Variants in DCLK2 observed in about 807,000 individuals in gnomAD.
DCLK2 encodes doublecortin like kinase 2, also known as serine/threonine-protein kinase DCLK2.
Under a neutral mutation model 78.4 loss-of-function variants are expected in DCLK2, and 31 were observed. The observed-to-expected ratio is 0.40, with a 90% CI of 0.30 to 0.53. DCLK2 has a LOEUF of 0.53. Ranked by LOEUF, DCLK2 falls within the 20% of genes least tolerant of loss-of-function variation. The probability of loss-of-function intolerance (pLI) is 0.61; values close to 1 mark genes in which losing one functional copy is unlikely to be tolerated. For synonymous variants in DCLK2, 407 were observed against 374.9 expected (o/e 1.09, Z -0.99); for missense variants, 872 against 973.7 (o/e 0.90, Z 1.39).
chr4:150,206,643 A>G (rs1029702955), intron 5 of DCLK2, among the ~76,000 whole-genome samples: 1 of 152,140 alleles, frequency 6.6e-6, no homozygotes, highest in Admixed American at 6.5e-5. Flanking sequence ...AAACCTAACT[A>G]AAAGGCTAGG....
intron 2 of DCLK2, among the ~76,000 whole-genome samples, chr4:150,138,878 A>T (rs556337555): frequency 6.6e-6 from 1 of 151,878 alleles, no homozygotes; most frequent in Admixed American, 6.6e-5. Flanking sequence ...GTTAGCCAGG[A>T]TGGTCTCAAT....
At chr4:150,097,775 C>G (rs1224735273) in intron 1 of DCLK2, among the ~76,000 whole-genome samples, 1 of 152,136 alleles carries the variant, frequency 6.6e-6, no homozygotes, top group East Asian at 1.9e-4. Context: ...TTTCCTCTTT[C>G]TATACAGAAA....
intron 2 of DCLK2, among the ~76,000 whole-genome samples, chr4:150,159,543 G>A (rs1429306912): frequency 6.6e-6 from 1 of 152,250 alleles, no homozygotes; most frequent in Non-Finnish European, 1.5e-5. Context: ...TGGTGGGGGT[G>A]TAGTGAAAAG....
intron 12 of DCLK2, 149 bp from the exon 13 acceptor site, chr4:150,247,454 C>G (rs1239312247): frequency 8.3e-6 from 5 of 603,664 alleles, no homozygotes; most frequent in Non-Finnish European, 1.5e-5. Context: ...TCTGTCATTA[C>G]AAATGGAATT....
intron 6 of DCLK2, among the ~76,000 whole-genome samples, chr4:150,221,280 G>A (rs139353043): frequency 0.011 from 1,653 of 150,606 alleles, 32 homozygotes; most frequent in African/African-American, 0.038. Context: ...ACATTTTGAA[G>A]ATTAAATTCC....
At chr4:150,203,295 T>C (rs879791493) in intron 4 of DCLK2, among the ~76,000 whole-genome samples, 4 of 152,220 alleles carry the variant, frequency 2.6e-5, no homozygotes, top group Non-Finnish European at 5.9e-5. Flanking sequence ...AAATTTTCCC[T>C]TTTCATTAAG....
chr4:150,211,838 C>T (rs565054806), intron 5 of DCLK2, among the ~76,000 whole-genome samples: 3 of 152,270 alleles, frequency 2.0e-5, no homozygotes, highest in South Asian at 2.1e-4. Context: ...TCCCTCTGTG[C>T]AAGTTCCTCA....
intron 10 of DCLK2, among the ~76,000 whole-genome samples, chr4:150,234,765 AAAGG>A (rs1254701680): frequency 4.0e-5 from 6 of 151,280 alleles, no homozygotes; most frequent in African/African-American, 1.5e-4. Context: ...AAAAAAAAAA[AAAGG>A]GGGATTGTGG....
intron 2 of DCLK2, among the ~76,000 whole-genome samples, chr4:150,151,946 T>C (rs925678247): frequency 3.3e-5 from 5 of 151,952 alleles, no homozygotes; most frequent in Admixed American, 2.0e-4. Context: ...ATAATAATAA[T>C]TTATGTGGCT....
chr4:150,162,196 AATTTTTTGC>A (rs536683665), intron 2 of DCLK2, among the ~76,000 whole-genome samples: 69 of 151,994 alleles, frequency 4.5e-4, no homozygotes, highest in African/African-American at 1.5e-3. Flanking sequence ...ATGCCTGGCT[AATTTTTTGC>A]ATTTTTTGTA....
At chr4:150,218,139 T>A (rs1383941058) in intron 5 of DCLK2, among the ~76,000 whole-genome samples, 1 of 130,898 alleles carries the variant, frequency 7.6e-6, no homozygotes, top group African/African-American at 2.9e-5. Context: ...GCTCAAGGCT[T>A]CAGCCTAGGT....
At chr4:150,205,326 T>C (rs1161723025) in intron 5 of DCLK2, among the ~76,000 whole-genome samples, 1 of 152,122 alleles carries the variant, frequency 6.6e-6, no homozygotes, top group Non-Finnish European at 1.5e-5. Context: ...TCCTTCAGAG[T>C]AGACTTGTAT....
In DCLK2 at chr4:150,170,355, A is replaced by T. The variant is rs547821313; in HGVS notation, c.757-22783A>T. Among the ~76,000 whole-genome samples, 366 of 152,054 alleles carry T rather than the reference A, an allele frequency of 2.4e-3. 1 individual carries two copies. The highest frequency in any genetic ancestry group is 8.3e-3 in the African/African-American group (345 of 41,418). On this transcript the variant is annotated intron_variant, in intron 2 of 15. Transcript: ENST00000296550. ...CACCATGCCCGGCCAGTTTTTTTTT[A>T]AAAGAAAGAAAAAGATAAAGGAAAT...
At chr4:150,081,617 A>G (rs781026693) in intron 1 of DCLK2, among the ~76,000 whole-genome samples, 1 of 152,108 alleles carries the variant, frequency 6.6e-6, no homozygotes, top group African/African-American at 2.4e-5. Context: ...GTCATATGGA[A>G]CTCTCTCTGA....
At chr4:150,157,033 G>A (rs1181820593) in intron 2 of DCLK2, among the ~76,000 whole-genome samples, 1 of 151,810 alleles carries the variant, frequency 6.6e-6, no homozygotes, top group Non-Finnish European at 1.5e-5. Context: ...GCCTCCCAAA[G>A]TGCTGGGATT....
chr4:150,085,277 G>C (rs1337735890), intron 1 of DCLK2, among the ~76,000 whole-genome samples: 2 of 152,044 alleles, frequency 1.3e-5, no homozygotes, highest in African/African-American at 4.8e-5. Context: ...ATTTTCTCTT[G>C]CTATAACAGA....
intron 2 of DCLK2, among the ~76,000 whole-genome samples, chr4:150,154,294 C>T (rs536071263): frequency 6.6e-6 from 1 of 152,314 alleles, no homozygotes; most frequent in South Asian, 2.1e-4. Flanking sequence ...AGACTGTGAG[C>T]TCCTTGAAAT....
chr4:150,150,367 G>C (rs1734799880), intron 2 of DCLK2, among the ~76,000 whole-genome samples: 1 of 152,022 alleles, frequency 6.6e-6, no homozygotes, highest in Non-Finnish European at 1.5e-5. Context: ...GATGGTGATA[G>C]GTCTCTTTCA....
chr4:150,214,480 C>T (rs185845557), intron 5 of DCLK2, among the ~76,000 whole-genome samples: 58 of 152,210 alleles, frequency 3.8e-4, no homozygotes, highest in Middle Eastern at 6.8e-3. Flanking sequence ...TCTTGCTCAC[C>T]AGGAGTTTGC....
Sources: gnomAD v4.1 joint callset for allele counts (sites outside exome capture counted in the v4.1 genomes callset) on GRCh38, gnomAD v4.1.1 for gene constraint, MANE v1.5 for transcripts, NCBI Gene and HGNC (gene_info 2026-07-23, HGNC 2026-07-21) for gene names.